FAM199X: variants seen among roughly 807,000 people sequenced by gnomAD.
FAM199X encodes the protein family with sequence similarity 199, X-linked.
Under a neutral mutation model 22.9 loss-of-function variants are expected in FAM199X, and 4 were observed. The observed-to-expected ratio is 0.17, with a 90% CI of 0.09 to 0.40. The LOEUF is 0.40. FAM199X is among the 10% of genes least tolerant of loss of function. The pLI is 1.00. For synonymous variants in FAM199X, 101 were observed against 112.3 expected (o/e 0.90, Z 0.64); for missense variants, 183 against 306.8 (o/e 0.60, Z 3.01).
At chrX:104,180,219 G>A (rs1332870715) in intron 2 of FAM199X, among the ~76,000 whole-genome samples, 5 of 106,553 alleles carry the variant, frequency 4.7e-5, no homozygotes, top group Admixed American at 1.0e-4. Context: ...GGGCTCAAGC[G>A]ATCCTTCCAC....
chrX:104,167,121 C>T, intron 1 of FAM199X, 139 bp downstream of exon 1: 3 of 478,864 alleles, frequency 6.3e-6, no homozygotes, highest in Non-Finnish European at 6.4e-6. Context: ...GGCCTCCTTC[C>T]CTGCCCCCCC....
At chrX:104,176,887 AT>A (rs200876558) in intron 2 of FAM199X, among the ~76,000 whole-genome samples, 17 of 110,456 alleles carry the variant, frequency 1.5e-4, no homozygotes, top group Middle Eastern at 4.7e-3. Context: ...AAAAGATGAG[AT>A]TTTTTTTTAA....
chrX:104,187,460 A>T (rs943002166), intron 4 of FAM199X, among the ~76,000 whole-genome samples: 18 of 111,532 alleles, frequency 1.6e-4, no homozygotes, highest in African/African-American at 5.9e-4. Context: ...CTTATGTTCT[A>T]CTTTTGATTT....
intron 2 of FAM199X, among the ~76,000 whole-genome samples, chrX:104,177,962 CT>C (rs782391275): frequency 1.8e-5 from 2 of 110,849 alleles, no homozygotes; most frequent in African/African-American, 3.3e-5. Context: ...TCTAATTTAT[CT>C]TTTTTTTGGC....
intron 2 of FAM199X, among the ~76,000 whole-genome samples, chrX:104,183,071 A>G (rs112595573): frequency 5.0e-4 from 56 of 111,283 alleles, no homozygotes; most frequent in African/African-American, 1.6e-3. Context: ...TCCCTCCCCA[A>G]CAAACGCATA....
rs1921966369 is a variant in FAM199X at position 104,192,543 on chromosome X, G to T, written c.*2765G>T. Reference sequence around the variant, plus strand: ...TAGTAGTATCTCAGTTCCTACTACAGCTTTCTAAAGGATGAGACTTGCATT... The same window carrying T: ...TAGTAGTATCTCAGTTCCTACTACATCTTTCTAAAGGATGAGACTTGCATT... On this transcript the variant is annotated 3_prime_UTR_variant, in exon 6 of 6. Transcript: ENST00000493442. 9.0e-6 allele frequency: 1 copy of T among 111,270 alleles called. No individual in the cohort carries two copies. The highest frequency in any genetic ancestry group is 1.9e-5 in the Non-Finnish European group (1 of 52,867). 9.2% of individuals were successfully genotyped at this position (111,270 alleles called of 1,213,427 possible). A position where few individuals can be genotyped will look rare whatever the true frequency, so the allele number is the denominator to read the frequency against.
intron 2 of FAM199X, among the ~76,000 whole-genome samples, chrX:104,182,434 G>C (rs782265916): frequency 2.7e-5 from 3 of 110,896 alleles, no homozygotes; most frequent in African/African-American, 9.9e-5. Context: ...CTTTTTAGCT[G>C]ATCTTCCCTA....
chrX:104,191,446 A>G lies in FAM199X; in HGVS notation c.*1668A>G, dbSNP rs1440392497. On this transcript the variant is annotated 3_prime_UTR_variant, in exon 6 of 6. Coordinates refer to ENST00000493442, the MANE Select transcript of FAM199X (RefSeq NM_207318.4). ...AAAACATATGTGTCTATGGTTTTCA[A>G]TTGGAGTAGTCTTTCTTACTTTCCC... 1.8e-5 allele frequency: 2 copies of G among 111,792 alleles called. No individual in the cohort carries two copies. Among genetic ancestry groups the G allele is most frequent in the Non-Finnish European group, 3.8e-5 (2 of 53,084 alleles). 9.2% of individuals were successfully genotyped at this position (111,792 alleles called of 1,213,427 possible).
rs1205541319 is a variant in FAM199X at position 104,194,321 on chromosome X, A to G, written c.*4543A>G. On this transcript the variant is annotated 3_prime_UTR_variant, in exon 6 of 6. Transcript: ENST00000493442. ...TTTTTGTGGTGAGGGATGGGGGTGA[A>G]AAAGGGGAGACTTGCTCTAATTATG... is the stretch of plus-strand genomic sequence containing the variant. 1 of 111,513 alleles carries G rather than the reference A, an allele frequency of 9.0e-6. No individual in the cohort carries two copies. Among genetic ancestry groups the G allele is most frequent in the Admixed American group, 9.6e-5 (1 of 10,459 alleles). 9.2% of individuals were successfully genotyped at this position (111,513 alleles called of 1,213,427 possible). A position where few individuals can be genotyped will look rare whatever the true frequency, so the allele number is the denominator to read the frequency against.
At position 104,175,788 on chromosome X, in the gene FAM199X, C is replaced by T. The variant is rs1556376294; in HGVS notation, c.363C>T (p.Val121=). The change falls in exon 2 of 6, where the codon GTC becomes GTT. Residue 121 remains valine (V), a synonymous_variant. Transcript: ENST00000493442. The part of the protein sequence containing the change: ...LFPEGSVCSD[V]SSSISTYWDW... ...CTGAGGGGAGTGTCTGCAGTGATGTCTCTTCTTCTATTAGCACTTACTGGG... is the reference window on the plus strand; with the variant it reads ...CTGAGGGGAGTGTCTGCAGTGATGTTTCTTCTTCTATTAGCACTTACTGGG... The T allele has an allele frequency of 8.3e-7, 1 of 1,209,662 alleles. No individual in the cohort carries two copies. The highest frequency in any genetic ancestry group is 1.1e-6 in the Non-Finnish European group (1 of 894,998).
At chrX:104,178,356 G>A (rs782280987) in intron 2 of FAM199X, among the ~76,000 whole-genome samples, 6 of 111,001 alleles carry the variant, frequency 5.4e-5, no homozygotes, top group African/African-American at 9.8e-5. Flanking sequence ...TAGTAGAGAC[G>A]GGGTTTCACC....
At chrX:104,178,925 C>G (rs1451699169) in intron 2 of FAM199X, among the ~76,000 whole-genome samples, 3 of 111,002 alleles carry the variant, frequency 2.7e-5, no homozygotes, top group African/African-American at 9.8e-5. Flanking sequence ...CCCAGGAGTT[C>G]GAAACCAGCC....
At position 104,194,884 on chromosome X, in the gene FAM199X, A is replaced by T. The variant is rs1922020506; in HGVS notation, c.*5106A>T. On this transcript the variant is annotated 3_prime_UTR_variant, in exon 6 of 6. Coordinates refer to ENST00000493442, the MANE Select transcript of FAM199X (RefSeq NM_207318.4). The stretch of plus-strand genomic sequence containing the variant: ...GTAATGTATCAGATTGTTAACCAGG[A>T]TTTTTTTTTCCTGTATTACTGCTAA... 9.1e-6 allele frequency: 1 copy of T among 109,850 alleles called. No homozygotes were observed. The highest frequency in any genetic ancestry group is 3.3e-5 in the African/African-American group (1 of 30,353). The allele number at this position is 109,850 out of a possible 1,213,427, so 9.1% of individuals were successfully genotyped here.
rs187862386 is a variant in FAM199X, at chrX:104,170,430, G to C, written c.197+3448G>C. Among the ~76,000 whole-genome samples the C allele has an allele frequency of 4.6e-3, 516 of 111,320 alleles. 3 individuals carry two copies. Among genetic ancestry groups the C allele is most frequent in the Non-Finnish European group, 6.7e-3 (355 of 53,075 alleles). ...TATCCAAGCTAGAAATACAGATTTG[G>C]GAGTAATCAGTAGAAGTCCGTGACG... On this transcript the variant is annotated intron_variant, in intron 1 of 5. Coordinates refer to ENST00000493442, the MANE Select transcript of FAM199X (RefSeq NM_207318.4).
chrX:104,166,957 C>A lies in FAM199X; in HGVS notation c.172C>A (p.Pro58Thr). The change falls in exon 1 of 6, where the codon CCG becomes ACG. Residue 58 changes from proline (P) to threonine (T), a missense_variant. Coordinates refer to ENST00000493442, the MANE Select transcript of FAM199X (RefSeq NM_207318.4). Reference protein sequence around the residue: ...CQLSSCHRTDPLHRFHTNRWN... With the variant: ...CQLSSCHRTDTLHRFHTNRWN... ...GCTGTCCTCCTGCCATCGCACCGAC[C>A]CGCTCCACCGCTTCCACACCAACAG... 1 of 1,171,773 alleles carries A rather than the reference C, an allele frequency of 8.5e-7. No homozygotes were observed. Among genetic ancestry groups the A allele is most frequent in the Non-Finnish European group, 1.1e-6 (1 of 874,030 alleles).
chrX:104,188,072 C>T lies in FAM199X; in HGVS notation c.762C>T (p.Arg254=). ...VRNYIKEHSP[R]QRPAREAWKR... ...ACTATATCAAGGAACATAGCCCTCG[C>T]CAACGGCCTGCAAGAGAGGCCTGGA... The change falls in exon 5 of 6, where the codon CGC becomes CGT. Residue 254 remains arginine (R), a synonymous_variant. Transcript: ENST00000493442. 1.7e-6 allele frequency: 2 copies of T among 1,211,713 alleles called. No individual in the cohort carries two copies. Among genetic ancestry groups the T allele is most frequent in the Non-Finnish European group, 2.2e-6 (2 of 895,479 alleles).
chrX:104,162,662 A>G (rs2147885923), upstream of FAM199X, among the ~76,000 whole-genome samples: 1 of 112,269 alleles, frequency 8.9e-6, no homozygotes, highest in East Asian at 2.8e-4. Flanking sequence ...GAGCAAGGGC[A>G]ATATAATGGA....
chrX:104,184,747 T>C (rs1602520769), intron 2 of FAM199X, among the ~76,000 whole-genome samples: 1 of 111,170 alleles, frequency 9.0e-6, no homozygotes. Flanking sequence ...TAAAGTGTTT[T>C]ACTTTATTTT....
chrX:104,158,538 T>C, the FAM199X span, among the ~76,000 whole-genome samples: 1 of 112,263 alleles, frequency 8.9e-6, no homozygotes, highest in Non-Finnish European at 1.9e-5. Flanking sequence ...AGAGTGGTAG[T>C]AGTAATTTCC....
Sources: gnomAD v4.1 joint callset for allele counts (sites outside exome capture counted in the v4.1 genomes callset) on GRCh38, gnomAD v4.1.1 for gene constraint, MANE v1.5 for transcripts, NCBI Gene and HGNC (gene_info 2026-07-23, HGNC 2026-07-21) for gene names.